Variants in NR3C2 observed in about 807,000 individuals in gnomAD.
The protein encoded by NR3C2 is mineralocorticoid receptor.
In NR3C2, 15 loss-of-function variants were observed where a neutral mutation model predicts 86.4. That is an observed-to-expected ratio of 0.17 (90% CI 0.12 to 0.27). The LOEUF is 0.27. Among genes scored for constraint, NR3C2 ranks in the 10% least tolerant of loss-of-function variants. The probability of loss-of-function intolerance (pLI) is 1.00; values close to 1 mark genes in which losing one functional copy is unlikely to be tolerated. For synonymous variants in NR3C2, 458 were observed against 450.5 expected, an observed-to-expected ratio of 1.02 and a Z score of -0.21; for missense variants, 960 against 1,195.6, an observed-to-expected ratio of 0.80 and a Z score of 2.91.
intron 2 of NR3C2, among the ~76,000 whole-genome samples, chr4:148,272,603 TAAGTA>T (rs772298825): frequency 2.0e-5 from 3 of 152,246 alleles, no homozygotes; most frequent in Non-Finnish European, 2.9e-5. Context: ...CTGCTCAATT[TAAGTA>T]TTTTCCAAGG....
intron 2 of NR3C2, among the ~76,000 whole-genome samples, chr4:148,375,627 C>A (rs555765472): frequency 1.3e-5 from 2 of 152,130 alleles, no homozygotes; most frequent in African/African-American, 4.8e-5. Context: ...TAATGCAGAT[C>A]CTTGGTGTTT....
rs368064769 is a variant in NR3C2, at chr4:148,356,005, A to C, written c.1757+79099T>G. On this transcript the variant is annotated intron_variant, in intron 2 of 8. Coordinates refer to ENST00000358102, the MANE Select transcript of NR3C2 (RefSeq NM_000901.5). ...TCAGTCATGTGCATGAAGTTCTCAGACTAGTATCTAACAAGTGGCAAGTGT... is the reference window on the plus strand; with the variant it reads ...TCAGTCATGTGCATGAAGTTCTCAGCCTAGTATCTAACAAGTGGCAAGTGT... Among the ~76,000 whole-genome samples the C allele has an allele frequency of 3.3e-5, 5 of 152,316 alleles. No homozygotes were observed. The East Asian group carries it at 9.7e-4, about 29-fold the overall frequency.
At chr4:148,249,282 G>A (rs746205653) in intron 3 of NR3C2, among the ~76,000 whole-genome samples, 7 of 151,758 alleles carry the variant, frequency 4.6e-5, no homozygotes, top group Non-Finnish European at 7.4e-5. Context: ...GAGGAAGGAG[G>A]AGGTATTTGC....
At chr4:148,128,483 G>C (rs1460049908) in intron 6 of NR3C2, among the ~76,000 whole-genome samples, 1 of 152,232 alleles carries the variant, frequency 6.6e-6, no homozygotes, top group Non-Finnish European at 1.5e-5. Context: ...ATGAATGCCT[G>C]TAGAACTTGG....
At chr4:148,203,587 T>C (rs1276743978) in intron 3 of NR3C2, among the ~76,000 whole-genome samples, 3 of 151,918 alleles carry the variant, frequency 2.0e-5, no homozygotes, top group Non-Finnish European at 2.9e-5. Flanking sequence ...GGGAAACAGA[T>C]TAGAGCAGCC....
chr4:148,396,920 G>A (rs1163896695), intron 2 of NR3C2, among the ~76,000 whole-genome samples: 2 of 152,000 alleles, frequency 1.3e-5, no homozygotes, highest in East Asian at 1.9e-4. Flanking sequence ...TATAGAAGTT[G>A]ATGTTTTGCT....
intron 4 of NR3C2, among the ~76,000 whole-genome samples, chr4:148,160,082 C>A (rs1734587960): frequency 1.3e-5 from 2 of 152,160 alleles, no homozygotes; most frequent in South Asian, 4.1e-4. Flanking sequence ...TTCATTTGTT[C>A]TACCTGGATG....
rs570447472 is a variant in NR3C2, at chr4:148,404,744, A to G, written c.1757+30360T>C. Among the ~76,000 whole-genome samples, 15 of 152,318 alleles carry G rather than the reference A, an allele frequency of 9.8e-5. No homozygotes were observed. The South Asian group carries it at 2.9e-3, about 29-fold the overall frequency. ...AAAACAATAAAAAAGGAGGAAATGTACTTAGGGGCATACTTTCGGCAATGA... is the reference window on the plus strand; with the variant it reads ...AAAACAATAAAAAAGGAGGAAATGTGCTTAGGGGCATACTTTCGGCAATGA... On this transcript the variant is annotated intron_variant, in intron 2 of 8. Transcript: ENST00000358102.
chr4:148,266,454 T>C (rs1740403926), intron 2 of NR3C2, among the ~76,000 whole-genome samples: 1 of 151,940 alleles, frequency 6.6e-6, no homozygotes, highest in East Asian at 1.9e-4. Context: ...AAGTGCAAAG[T>C]CTCTGAGACA....
intron 3 of NR3C2, among the ~76,000 whole-genome samples, chr4:148,213,972 A>C (rs967826056): frequency 6.6e-6 from 1 of 152,254 alleles, no homozygotes; most frequent in Non-Finnish European, 1.5e-5. Flanking sequence ...TTCACTTCTT[A>C]TGGAAGAAAA....
intron 2 of NR3C2, among the ~76,000 whole-genome samples, chr4:148,279,411 A>G (rs1741124741): frequency 6.6e-6 from 1 of 152,076 alleles, no homozygotes; most frequent in Non-Finnish European, 1.5e-5. Flanking sequence ...TTTTCTTCAC[A>G]TTATTGGATG....
rs1423520655 is a variant in NR3C2, at chr4:148,114,365, C to T, written c.2642-104G>A. On this transcript the variant is annotated intron_variant, in intron 7 of 8. Coordinates refer to ENST00000358102, the MANE Select transcript of NR3C2 (RefSeq NM_000901.5). The stretch of plus-strand genomic sequence containing the variant: ...GATTTTGAGGTTAGATACTAAATCT[C>T]AATTAATTGCATTTATGAATAAATA... The T allele has an allele frequency of 3.3e-6, 4 of 1,198,884 alleles. No homozygotes were observed. In the Admixed American group the frequency reaches 7.9e-5, roughly 24 times the overall value. 74.3% of individuals were successfully genotyped at this position (1,198,884 alleles called of 1,614,324 possible).
chr4:148,328,716 C>G (rs2149965209), intron 2 of NR3C2, among the ~76,000 whole-genome samples: 1 of 152,284 alleles, frequency 6.6e-6, no homozygotes, highest in Non-Finnish European at 1.5e-5. Context: ...GTATTCAACT[C>G]TCAATTAACA....
At chr4:148,271,461 GT>G (rs36032097) in intron 2 of NR3C2, among the ~76,000 whole-genome samples, 104,526 of 151,862 alleles carry the variant, frequency 0.69, 36,608 homozygotes, top group East Asian at 0.85. Flanking sequence ...CAGAAAGGCT[GT>G]TTTTTTGGCC....
intron 2 of NR3C2, among the ~76,000 whole-genome samples, chr4:148,371,284 A>T (rs1484330740): frequency 1.3e-5 from 2 of 151,750 alleles, no homozygotes; most frequent in Non-Finnish European, 2.9e-5. Context: ...TATTCATTCT[A>T]TTTTTTTTGT....
At chr4:148,290,248 A>G (rs1008907990) in intron 2 of NR3C2, among the ~76,000 whole-genome samples, 1 of 152,146 alleles carries the variant, frequency 6.6e-6, no homozygotes, top group African/African-American at 2.4e-5. Context: ...CAGCCATATT[A>G]GATTAGGGTT....
chr4:148,418,285 C>T (rs1462465191), intron 2 of NR3C2, among the ~76,000 whole-genome samples: 1 of 152,162 alleles, frequency 6.6e-6, no homozygotes, highest in East Asian at 1.9e-4. Flanking sequence ...ATGAATATCA[C>T]AAAAACAAAA....
chr4:148,436,426 T>C lies in NR3C2; in HGVS notation c.435A>G (p.Lys145=). ...QNVEQLVKFY[K]GNGHRPSTLS... is the part of the protein sequence containing the mutation. ...GAGTGGAAGGACGATGGCCATTTCC[T>C]TTGTAAAATTTCACCAGCTGTTCAA... Residue 145 remains lysine (K), a synonymous_variant, in exon 2 of 9, where the codon AAA becomes AAG. Coordinates refer to ENST00000358102, the MANE Select transcript of NR3C2 (RefSeq NM_000901.5). The C allele has an allele frequency of 6.2e-7, 1 of 1,614,194 alleles. No individual in the cohort carries two copies. The highest frequency in any genetic ancestry group is 8.5e-7 in the Non-Finnish European group (1 of 1,180,040).
rs187548766 is a variant in NR3C2, at chr4:148,151,441, T to C, written c.2510+1028A>G. 5.3e-4 allele frequency among the ~76,000 whole-genome samples: 81 copies of C among 152,314 alleles called. No homozygotes were observed. The East Asian group carries it at 0.01, about 19-fold the overall frequency. On this transcript the variant is annotated intron_variant, in intron 6 of 8. Coordinates refer to ENST00000358102, the MANE Select transcript of NR3C2 (RefSeq NM_000901.5). Reference sequence around the variant, plus strand: ...ATGCTTTTGGTGAACACTGATGCAGTACTAGAATTACTCTTTTTGATAAAT... The same window carrying C: ...ATGCTTTTGGTGAACACTGATGCAGCACTAGAATTACTCTTTTTGATAAAT...
Sources: gnomAD v4.1 joint callset for allele counts (sites outside exome capture counted in the v4.1 genomes callset) on GRCh38, gnomAD v4.1.1 for gene constraint, MANE v1.5 for transcripts, NCBI Gene and HGNC (gene_info 2026-07-23, HGNC 2026-07-21) for gene names.